The following RBBP6 variants were observed in gnomAD, a reference collection of about 807,000 sequenced individuals.
The protein encoded by RBBP6 is RB binding protein 6, ubiquitin ligase.
RBBP6 carries 25 observed loss-of-function variants against 167.7 expected under a neutral mutation model. The ratio of observed to expected loss-of-function variants is 0.15; its 90% CI spans 0.11 to 0.21. The LOEUF (loss-of-function observed/expected upper bound fraction) is 0.21. Ranked by LOEUF, RBBP6 falls within the 10% of genes least tolerant of loss-of-function variation. The pLI is 1.00. For missense variants in RBBP6, 1,868 were observed against 2,134.2 expected (o/e 0.88, Z 2.46); for synonymous variants, 789 against 735.8 (o/e 1.07, Z -1.17).
intron 10 of RBBP6, among the ~76,000 whole-genome samples, chr16:24,562,983 A>G (rs1899102964): frequency 6.7e-6 from 1 of 148,516 alleles, no homozygotes; most frequent in Non-Finnish European, 1.5e-5. Flanking sequence ...TAACTGTAGT[A>G]TCTTCTTAAG....
At chr16:24,563,375 T>A in intron 11 of RBBP6, 48 bp from the exon 12 acceptor site, 1 of 1,545,448 alleles carries the variant, frequency 6.5e-7, no homozygotes, top group South Asian at 1.2e-5. Context: ...TACCTCTTTT[T>A]TTTTTTTTTT....
At chr16:24,546,050 T>A in intron 1 of RBBP6, 113 bp from the exon 2 acceptor site, 2 of 1,409,974 alleles carry the variant, frequency 1.4e-6, no homozygotes, top group Non-Finnish European at 1.8e-6. Flanking sequence ...AAGGAACTTG[T>A]AGTTATTATA....
intron 8 of RBBP6, among the ~76,000 whole-genome samples, chr16:24,560,492 C>T (rs1899024679): frequency 6.6e-6 from 1 of 152,182 alleles, no homozygotes; most frequent in South Asian, 2.1e-4. Context: ...TTTCCTGCCA[C>T]TTATCCTAAG....
intron 3 of RBBP6, among the ~76,000 whole-genome samples, chr16:24,550,237 T>G (rs549016344): frequency 3.3e-5 from 5 of 152,038 alleles, no homozygotes; most frequent in African/African-American, 1.2e-4. Context: ...TATCTGAACA[T>G]TGGACTTGTT....
chr16:24,562,735 A>C (rs1899096627), intron 10 of RBBP6, among the ~76,000 whole-genome samples: 1 of 151,970 alleles, frequency 6.6e-6, no homozygotes, highest in African/African-American at 2.4e-5. Flanking sequence ...ACACTGAAGC[A>C]AAATCTTTAG....
At position 24,561,888 on chromosome 16, in the gene RBBP6, C is replaced by T. The variant is rs563470018; in HGVS notation, c.1016C>T (p.Pro339Leu). Residue 339 changes from proline to leucine, a missense_variant, in exon 10 of 18, where the codon CCA becomes CTA. Around this residue, in one of 7 missense-constraint regions of RBBP6, gnomAD observed 245 missense variants for 240.1 expected, o/e 1.02. Coordinates refer to ENST00000319715, the MANE Select transcript of RBBP6 (RefSeq NM_006910.5). ...AGACTACGAAAACAGTTACCTCCTC[C>T]ACCACCCCCAATACCACCTCCGAGA... ...TKRLRKQLPP[P>L]PPPIPPPRPL... 1.9e-6 allele frequency: 3 copies of T among 1,614,014 alleles called. No homozygotes were observed. The highest frequency in any genetic ancestry group is 1.3e-5 in the African/African-American group (1 of 75,018).
Position 24,572,102 on chromosome 16 carries a change from C to T in RBBP6, c.5036C>T (p.Thr1679Ile). The T allele has an allele frequency of 6.2e-7, 1 of 1,614,078 alleles. No individual in the cohort carries two copies. The highest frequency in any genetic ancestry group is 8.5e-7 in the Non-Finnish European group (1 of 1,180,012). The stretch of plus-strand genomic sequence containing the variant: ...GAGAAAGCAAAAGAGAGCCTGGACA[C>T]AGCAGCAGTTGTCCAGGTGGGCATA... ...IVEKAKESLDTAAVVQVGISR... is the reference protein window; with the variant it reads ...IVEKAKESLDIAAVVQVGISR... The change falls in exon 18 of 18, where the codon ACA becomes ATA. Residue 1679 changes from threonine to isoleucine, a missense_variant. Physicochemically the swap from Thr to Ile is moderately conservative, Grantham distance 89. This residue lies in a region of RBBP6 where 591 missense variants were observed against 540.5 expected (regional missense o/e 1.09). Transcript: ENST00000319715.
At chr16:24,559,808 T>G in intron 8 of RBBP6, 131 bp downstream of exon 8, 3 of 766,596 alleles carry the variant, frequency 3.9e-6, no homozygotes, top group Non-Finnish European at 5.6e-6. Context: ...TCAATGAGCA[T>G]TAAGTAGTGA....
chr16:24,564,485 G>T (rs529505892), intron 13 of RBBP6, among the ~76,000 whole-genome samples: 1 of 152,024 alleles, frequency 6.6e-6, no homozygotes, highest in Non-Finnish European at 1.5e-5. Flanking sequence ...CAGACAAAAG[G>T]GCTCTTTTCC....
At chr16:24,564,507 A>G (rs1899146201) in intron 13 of RBBP6, among the ~76,000 whole-genome samples, 1 of 152,246 alleles carries the variant, frequency 6.6e-6, no homozygotes, top group Admixed American at 6.5e-5. Flanking sequence ...TGTATATAAC[A>G]ATAAGTTCAC....
rs1407762830 is a variant in RBBP6, at chr16:24,572,268, AAAG to A, written c.5205_5207del (p.Lys1737del). On this transcript the variant is annotated inframe_deletion, in exon 18 of 18. Transcript: ENST00000319715. ...GCAAGAAGAAGAAGAAAAAGAAGGA[AAAG>A]AAAAAACACAAGAAACATAAAAAGC... 6.2e-7 allele frequency: 1 copy of A among 1,612,248 alleles called. No homozygotes were observed. The highest frequency in any genetic ancestry group is 2.2e-5 in the East Asian group (1 of 44,888).
At chr16:24,549,229 G>C (rs1338844394) in intron 3 of RBBP6, 1 of 1,392,818 alleles carries the variant, frequency 7.2e-7, no homozygotes, top group Non-Finnish European at 9.3e-7. Context: ...CATTATCCCT[G>C]TATGACACTG....
In RBBP6 at chr16:24,571,936, C is replaced by G. The variant is rs1174916859; in HGVS notation, c.4870C>G (p.Leu1624Val). The change falls in exon 18 of 18, where the codon CTT (leucine) becomes GTT (valine). Residue 1624 changes from leucine (L) to valine (V), a missense_variant. By Grantham distance (32) the Leu-to-Val change is conservative. Coordinates refer to ENST00000319715, the MANE Select transcript of RBBP6 (RefSeq NM_006910.5). ...ACCCCAGTTAAGTCATTCCTCTAGA[C>G]TTTCCTCTGACTTAACTAGAGAAAC... ...PKPQLSHSSR[L>V]SSDLTRETDE... The G allele has an allele frequency of 6.2e-7, 1 of 1,614,018 alleles. No homozygotes were observed.
chr16:24,543,552 C>G (rs892878273), intron 1 of RBBP6, among the ~76,000 whole-genome samples: 4 of 152,010 alleles, frequency 2.6e-5, no homozygotes, highest in African/African-American at 9.7e-5. Flanking sequence ...CTTGGCCTCC[C>G]AAGGCCATCC....
rs1429513076 is a variant in RBBP6, at chr16:24,559,643, G to T, written c.813G>T (p.Val271=). ...ICKDIMTDAV[V]IPCCGNSYCD... ...AGGATATTATGACTGATGCTGTTGT[G>T]ATTCCCTGCTGTGGAAACAGTTACT... The change falls in exon 8 of 18, where the codon GTG becomes GTT. Residue 271 remains valine, a synonymous_variant. Coordinates refer to ENST00000319715, the MANE Select transcript of RBBP6 (RefSeq NM_006910.5). 3.2e-6 allele frequency: 5 copies of T among 1,577,178 alleles called. No individual in the cohort carries two copies. The East Asian group carries it at 1.2e-4, about 36-fold the overall frequency.
At chr16:24,540,914 A>C in intron 1 of RBBP6, 122 bp downstream of exon 1, 1 of 1,214,048 alleles carries the variant, frequency 8.2e-7, no homozygotes, top group Non-Finnish European at 1.1e-6. Context: ...AGTACTTTGG[A>C]TACAACTTTC....
At chr16:24,564,776 A>ATTT in intron 13 of RBBP6, 21 bp from the exon 14 acceptor site, 1 of 1,576,546 alleles carries the variant, frequency 6.3e-7, no homozygotes. Context: ...ACTTGAGCCT[A>ATTT]TTTTTTTTTC....
chr16:24,564,915 A>G (rs773513445), intron 14 of RBBP6, 50 bp downstream of exon 14: 4 of 1,560,396 alleles, frequency 2.6e-6, no homozygotes, highest in South Asian at 2.4e-5. Flanking sequence ...TTTTATATAT[A>G]TATCTCACCA....
rs989245086 is a variant in RBBP6 at position 24,571,678 on chromosome 16, A to G, written c.4612A>G (p.Arg1538Gly). ...CAAAAAAAGTAATTCTAGTCCCTCA[A>G]GAGACAGAAAACCTCATGATCACAA... is the stretch of plus-strand genomic sequence containing the variant. Reference protein sequence around the residue: ...DSKKSNSSPSRDRKPHDHKAT... With the variant: ...DSKKSNSSPSGDRKPHDHKAT... The change falls in exon 18 of 18, where the codon AGA becomes GGA. Residue 1538 changes from arginine (R) to glycine (G), a missense_variant. This residue lies in a region of RBBP6 where 591 missense variants were observed against 540.5 expected (regional missense o/e 1.09). Transcript: ENST00000319715. 2 of 1,614,024 alleles carry G rather than the reference A, an allele frequency of 1.2e-6. No homozygotes were observed. Among genetic ancestry groups the G allele is most frequent in the African/African-American group, 1.3e-5 (1 of 74,938 alleles).
Sources: allele counts gnomAD v4.1 joint callset (sites outside exome capture counted in the v4.1 genomes callset), GRCh38; gene constraint gnomAD v4.1.1; regional missense constraint gnomAD v4.1.1; transcripts MANE v1.5; gene names NCBI Gene and HGNC (gene_info 2026-07-23, HGNC 2026-07-21).